Variants in ARFGEF1 observed in about 807,000 individuals in gnomAD.
ARFGEF1 encodes ARF guanine nucleotide exchange factor 1, also known as brefeldin A-inhibited guanine nucleotide-exchange protein 1.
ARFGEF1 carries 42 observed loss-of-function variants against 231.0 expected under a neutral mutation model. That is an observed-to-expected ratio of 0.18 (90% CI 0.14 to 0.24). The LOEUF is 0.24. ARFGEF1 is among the 10% of genes least tolerant of loss of function. The pLI is 1.00. For missense variants in ARFGEF1, 1,345 were observed against 2,192.0 expected, an observed-to-expected ratio of 0.61 and a Z score of 7.72; for synonymous variants, 710 against 732.3, an observed-to-expected ratio of 0.97 and a Z score of 0.49.
downstream of ARFGEF1, chr8:67,175,273 A>G (rs1831334489): frequency 6.4e-7 from 1 of 1,571,998 alleles, no homozygotes; most frequent in Non-Finnish European, 8.7e-7. Context: ...TAACTTAGTT[A>G]TATAACATAT....
intron 1 of ARFGEF1, among the ~76,000 whole-genome samples, chr8:67,323,803 A>G (rs1328240651): frequency 6.7e-6 from 1 of 149,116 alleles, no homozygotes; most frequent in Admixed American, 6.7e-5. Context: ...CCAGAAATCT[A>G]CTTTTTTTTT....
At chr8:67,245,748 CA>C (rs1840085926) in intron 19 of ARFGEF1, among the ~76,000 whole-genome samples, 1 of 150,050 alleles carries the variant, frequency 6.7e-6, no homozygotes, top group South Asian at 2.1e-4. Context: ...AAGTCTTTAT[CA>C]ATAGTCACAC....
In ARFGEF1 at chr8:67,197,684, A is replaced by C; in HGVS notation, c.*1250T>G. The C allele has an allele frequency of 1.0e-6, 1 of 985,876 alleles. No individual in the cohort carries two copies. Among genetic ancestry groups the C allele is most frequent in the African/African-American group, 1.7e-5 (1 of 57,366 alleles). 61.1% of individuals were successfully genotyped at this position (985,876 alleles called of 1,614,324 possible). A position where few individuals can be genotyped will look rare whatever the true frequency, so the allele number is the denominator to read the frequency against. ...TTTGATTGCACTGATGAAATAATTC[A>C]AAAACTTTATTGACCTATAACCTGA... On this transcript the variant is annotated 3_prime_UTR_variant, in exon 39 of 39. Transcript: ENST00000262215.
chr8:67,249,231 T>C (rs1840198827), intron 19 of ARFGEF1, among the ~76,000 whole-genome samples: 1 of 150,450 alleles, frequency 6.6e-6, no homozygotes, highest in African/African-American at 2.5e-5. Flanking sequence ...CAACTATTGT[T>C]TTTCATTTTC....
At chr8:67,328,783 T>A (rs558726230) in intron 1 of ARFGEF1, among the ~76,000 whole-genome samples, 58 of 152,344 alleles carry the variant, frequency 3.8e-4, no homozygotes, top group Middle Eastern at 6.8e-3. Context: ...TGAGTTAAAA[T>A]GTCTTTATAA....
At chr8:67,194,765 G>C (rs1353907297), downstream of ARFGEF1, among the ~76,000 whole-genome samples, 1 of 151,182 alleles carries the variant, frequency 6.6e-6, no homozygotes, top group Non-Finnish European at 1.5e-5. Context: ...ATAAATAAAA[G>C]TAAAATACAG....
At chr8:67,266,534 T>C (rs1332421237) in intron 13 of ARFGEF1, among the ~76,000 whole-genome samples, 1 of 152,176 alleles carries the variant, frequency 6.6e-6, no homozygotes, top group Non-Finnish European at 1.5e-5. Flanking sequence ...AGTTTTTCTC[T>C]GAGTGAGGGT....
At chr8:67,194,432 A>C (rs956375868), downstream of ARFGEF1, among the ~76,000 whole-genome samples, 2 of 152,208 alleles carry the variant, frequency 1.3e-5, no homozygotes, top group African/African-American at 4.8e-5. Flanking sequence ...TCCACACCAA[A>C]CACAAAGCAG....
At chr8:67,322,246 C>T (rs1248135595) in intron 1 of ARFGEF1, among the ~76,000 whole-genome samples, 2 of 152,214 alleles carry the variant, frequency 1.3e-5, no homozygotes, top group Non-Finnish European at 2.9e-5. Context: ...TCCTGCTGTA[C>T]ACTTAAGTCT....
chr8:67,294,054 A>G (rs1806123877), intron 5 of ARFGEF1, among the ~76,000 whole-genome samples: 2 of 152,164 alleles, frequency 1.3e-5, no homozygotes, highest in African/African-American at 4.8e-5. Flanking sequence ...TGTACTGAAC[A>G]AACATGTACA....
chr8:67,197,831 G>A lies in ARFGEF1; in HGVS notation c.*1103C>T. 1 of 985,812 alleles carries A rather than the reference G, an allele frequency of 1.0e-6. No individual in the cohort carries two copies. The highest frequency in any genetic ancestry group is 1.2e-6 in the Non-Finnish European group (1 of 829,926). The allele number at this position is 985,812 out of a possible 1,614,324, so 61.1% of individuals were successfully genotyped here. ...TCTGAAAAAATTTTCTACATCCACT[G>A]TTAATACGGAATGCTTGACAATCTT... On this transcript the variant is annotated 3_prime_UTR_variant, in exon 39 of 39. Transcript: ENST00000262215.
intron 7 of ARFGEF1, among the ~76,000 whole-genome samples, chr8:67,281,144 AC>A (rs1407317210): frequency 6.6e-6 from 1 of 152,106 alleles, no homozygotes; most frequent in Non-Finnish European, 1.5e-5. Flanking sequence ...AAATGGAAAA[AC>A]CCTTGTAACA....
At chr8:67,210,387 G>A (rs1838690082) in intron 34 of ARFGEF1, among the ~76,000 whole-genome samples, 1 of 151,574 alleles carries the variant, frequency 6.6e-6, no homozygotes, top group African/African-American at 2.4e-5. Context: ...GGCTAAGGTG[G>A]GAAGATCGCT....
intron 36 of ARFGEF1, 132 bp downstream of exon 36, chr8:67,202,951 A>T: frequency 1.1e-6 from 1 of 880,514 alleles, no homozygotes; most frequent in Non-Finnish European, 1.6e-6. Context: ...TTACTTTATT[A>T]CTGTTAAGGT....
intron 9 of ARFGEF1, among the ~76,000 whole-genome samples, chr8:67,274,247 A>T (rs1358376409): frequency 1.3e-5 from 2 of 152,036 alleles, no homozygotes; most frequent in Admixed American, 6.5e-5. Flanking sequence ...TCATCATTTT[A>T]GCAAGACCAG....
chr8:67,284,956 T>G (rs539814733), intron 7 of ARFGEF1, among the ~76,000 whole-genome samples: 1 of 152,112 alleles, frequency 6.6e-6, no homozygotes, highest in African/African-American at 2.4e-5. Flanking sequence ...GCTCAAAGAC[T>G]AACAGAATCA....
At position 67,182,712 on chromosome 8, in the gene ARFGEF1, CT is replaced by C. The variant is rs549945498; in HGVS notation, c.561-7141del. Reference sequence around the variant, plus strand: ...ACGTGGCATCTCATTGTGGTTTTGACTTACATTTCTGTAATAATTAGTGATG... The same window carrying C: ...ACGTGGCATCTCATTGTGGTTTTGACTACATTTCTGTAATAATTAGTGATG... On this transcript the variant is annotated intron_variant, in intron 5 of 5. Coordinates refer to the ARFGEF1 transcript ENST00000518789. Among the ~76,000 whole-genome samples, 8 of 152,286 alleles carry C rather than the reference CT, an allele frequency of 5.3e-5. No homozygotes were observed. The South Asian group carries it at 1.7e-3, about 32-fold the overall frequency.
chr8:67,239,866 C>T (rs1440412284), intron 20 of ARFGEF1, among the ~76,000 whole-genome samples: 2 of 151,940 alleles, frequency 1.3e-5, no homozygotes, highest in Non-Finnish European at 2.9e-5. Context: ...TTCGTTTAAA[C>T]AAGATGTTCA....
chr8:67,185,037 G>A (rs770305082), intron 5 of ARFGEF1, among the ~76,000 whole-genome samples: 38 of 149,488 alleles, frequency 2.5e-4, no homozygotes, highest in Non-Finnish European at 4.9e-4. Flanking sequence ...CCCGGGAGGC[G>A]GAGCTTGCAG....
Sources: gnomAD v4.1 joint callset for allele counts (sites outside exome capture counted in the v4.1 genomes callset) on GRCh38, gnomAD v4.1.1 for gene constraint, MANE v1.5 for transcripts, NCBI Gene and HGNC (gene_info 2026-07-23, HGNC 2026-07-21) for gene names.